ATP13A5: variants seen among roughly 807,000 people sequenced by gnomAD.
ATP13A5 encodes the protein probable cation-transporting ATPase 13A5.
Under a neutral mutation model 150.2 loss-of-function variants are expected in ATP13A5, and 149 were observed. The observed-to-expected ratio is 0.99, with a 90% CI of 0.87 to 1.14. ATP13A5 has a LOEUF of 1.14. Ranked by LOEUF, ATP13A5 falls within the 50% of genes most tolerant of loss-of-function variation. The probability of loss-of-function intolerance (pLI) is 0.00; values close to 1 mark genes in which losing one functional copy is unlikely to be tolerated. For synonymous variants in ATP13A5, 497 were observed against 522.2 expected (o/e 0.95, Z 0.66); for missense variants, 1,383 against 1,449.3 (o/e 0.95, Z 0.74).
chr3:193,370,010 C>T (rs1253096102), intron 1 of ATP13A5, among the ~76,000 whole-genome samples: 1 of 152,156 alleles, frequency 6.6e-6, no homozygotes, highest in Non-Finnish European at 1.5e-5. Context: ...GCCTGTGTTC[C>T]ATGAGGCCAG....
intron 7 of ATP13A5, among the ~76,000 whole-genome samples, chr3:193,347,524 C>CTTTT (rs1553820269): frequency 1.8e-4 from 26 of 145,428 alleles, no homozygotes; most frequent in Non-Finnish European, 2.1e-4. Context: ...CCTTAGATTT[C>CTTTT]TTTTTTTTTT....
intron 23 of ATP13A5, among the ~76,000 whole-genome samples, chr3:193,302,452 A>C (rs1029969538): frequency 1.3e-5 from 2 of 152,196 alleles, no homozygotes; most frequent in African/African-American, 4.8e-5. Context: ...TTTTTCTGCA[A>C]TCGTGCATAG....
chr3:193,340,008 T>C (rs1712054624), intron 9 of ATP13A5, among the ~76,000 whole-genome samples: 2 of 152,340 alleles, frequency 1.3e-5, no homozygotes, highest in Admixed American at 1.3e-4. Context: ...GCTATTTGCA[T>C]ATTAATAAGA....
intron 1 of ATP13A5, among the ~76,000 whole-genome samples, chr3:193,372,616 G>A (rs1370381645): frequency 6.6e-6 from 1 of 152,090 alleles, no homozygotes; most frequent in African/African-American, 2.4e-5. Context: ...CTGAAGAACA[G>A]GCTTTTACTA....
chr3:193,325,847 C>A (rs12493236), intron 13 of ATP13A5, among the ~76,000 whole-genome samples: 78,230 of 151,990 alleles, frequency 0.51, 22,473 homozygotes, highest in Non-Finnish European at 0.65. Context: ...TTCTAGTCTC[C>A]GAAAACCTTC....
At chr3:193,355,111 T>C (rs1712731450) in intron 5 of ATP13A5, among the ~76,000 whole-genome samples, 1 of 151,946 alleles carries the variant, frequency 6.6e-6, no homozygotes, top group African/African-American at 2.4e-5. Context: ...TTTGTATTTT[T>C]AGTACAGACG....
intron 25 of ATP13A5, among the ~76,000 whole-genome samples, chr3:193,294,720 G>A (rs1718093979): frequency 6.6e-6 from 1 of 152,032 alleles, no homozygotes; most frequent in Non-Finnish European, 1.5e-5. Context: ...GATTTACAAT[G>A]GGGTTACATT....
intron 6 of ATP13A5, among the ~76,000 whole-genome samples, chr3:193,353,049 G>C (rs73888286): frequency 0.012 from 1,862 of 152,164 alleles, 39 homozygotes; most frequent in African/African-American, 0.043. Flanking sequence ...TCCTGTTCCA[G>C]AATAGAGGTT....
chr3:193,353,732 C>T (rs944004045), intron 6 of ATP13A5, among the ~76,000 whole-genome samples: 8 of 152,222 alleles, frequency 5.3e-5, no homozygotes, highest in Non-Finnish European at 8.8e-5. Flanking sequence ...AATGGGTCCT[C>T]ACCGGGAACT....
rs1577344469 is a variant in ATP13A5 at position 193,314,856 on chromosome 3, T to A, written c.2158+116A>T. ...AGGTAAGGGACTACAGGGTAACAAA[T>A]TCGACAACAGAACATTTTTCCCTGT... is the stretch of plus-strand genomic sequence containing the variant. On this transcript the variant is annotated intron_variant, in intron 18 of 29. Coordinates refer to ENST00000342358, the MANE Select transcript of ATP13A5 (RefSeq NM_198505.4). The A allele has an allele frequency of 2.2e-6, 3 of 1,369,808 alleles. No homozygotes were observed. The East Asian group carries it at 7.0e-5, about 32-fold the overall frequency. The allele number at this position is 1,369,808 out of a possible 1,614,324, so 84.9% of individuals were successfully genotyped here. A position where few individuals can be genotyped will look rare whatever the true frequency, so the allele number is the denominator to read the frequency against.
chr3:193,319,086 T>C lies in ATP13A5; in HGVS notation c.1938A>G (p.Glu646=). The C allele has an allele frequency of 6.2e-7, 1 of 1,613,802 alleles. No individual in the cohort carries two copies. Among genetic ancestry groups the C allele is most frequent in the Non-Finnish European group, 8.5e-7 (1 of 1,179,750 alleles). ...SETVPKNFPQ[E]LRSYTVQGFR... is the part of the protein sequence containing the mutation. ...AGCCTTGCACCGTGTAACTCCTCAG[T>C]TCCTGTGGGAAATTCTTGGGCACTG... Residue 646 remains glutamate (E), a synonymous_variant, in exon 17 of 30, where the codon GAA becomes GAG. Transcript: ENST00000342358.
chr3:193,333,249 C>G (rs1459324847), intron 11 of ATP13A5, among the ~76,000 whole-genome samples: 1 of 152,000 alleles, frequency 6.6e-6, no homozygotes, highest in Non-Finnish European at 1.5e-5. Context: ...CAGTTTTTCA[C>G]CTGTTTGGAT....
chr3:193,374,415 G>A (rs1577378922), intron 1 of ATP13A5, among the ~76,000 whole-genome samples: 1 of 152,166 alleles, frequency 6.6e-6, no homozygotes, highest in African/African-American at 2.4e-5. Context: ...GTTCGAGGCA[G>A]GAACATCACT....
At chr3:193,373,241 C>G (rs1004709113) in intron 1 of ATP13A5, among the ~76,000 whole-genome samples, 12 of 152,046 alleles carry the variant, frequency 7.9e-5, no homozygotes, top group Non-Finnish European at 1.6e-4. Context: ...CAGGTTCAAG[C>G]GATCTCCTGC....
At chr3:193,349,065 C>A (rs1048679782) in intron 7 of ATP13A5, among the ~76,000 whole-genome samples, 1 of 152,098 alleles carries the variant, frequency 6.6e-6, no homozygotes, top group Non-Finnish European at 1.5e-5. Context: ...TGAATGTGGG[C>A]GCCTATTGTA....
chr3:193,365,247 A>G (rs1281785715), intron 1 of ATP13A5, among the ~76,000 whole-genome samples: 1 of 152,152 alleles, frequency 6.6e-6, no homozygotes, highest in Non-Finnish European at 1.5e-5. Context: ...TTAGAAACTT[A>G]GTTTTTACTA....
At chr3:193,320,110 C>T (rs747403824) in intron 16 of ATP13A5, among the ~76,000 whole-genome samples, 2 of 152,162 alleles carry the variant, frequency 1.3e-5, no homozygotes, top group African/African-American at 2.4e-5. Flanking sequence ...GAGGGAACCA[C>T]AGAACAATGG....
intron 27 of ATP13A5, among the ~76,000 whole-genome samples, chr3:193,282,666 C>T (rs570010658): frequency 8.3e-4 from 127 of 152,270 alleles, no homozygotes; most frequent in African/African-American, 1.9e-3. Context: ...CATGAGCCAC[C>T]GCGTCTGGCC....
At chr3:193,311,199 TTCTAGAAGCCTTTGGGG>T (rs1253526602) in intron 20 of ATP13A5, among the ~76,000 whole-genome samples, 4 of 152,182 alleles carry the variant, frequency 2.6e-5, no homozygotes, top group African/African-American at 9.6e-5. Context: ...ACTAAGAGCT[TTCTAGAAGCCTTTGGGG>T]TCTAGATTCT....
Sources: allele counts gnomAD v4.1 joint callset (sites outside exome capture counted in the v4.1 genomes callset), GRCh38; gene constraint gnomAD v4.1.1; transcripts MANE v1.5; gene names NCBI Gene and HGNC (gene_info 2026-07-23, HGNC 2026-07-21).